FHIT: variants seen among roughly 807,000 people sequenced by gnomAD.
FHIT encodes fragile histidine triad diadenosine triphosphatase.
Under a neutral mutation model 17.9 loss-of-function variants are expected in FHIT, and 19 were observed. The ratio of observed to expected loss-of-function variants is 1.06; its 90% confidence interval spans 0.74 to 1.56. The LOEUF is 1.56. FHIT is among the 40% of genes most tolerant of loss of function. The pLI is 0.00. For synonymous variants in FHIT, 81 were observed against 69.7 expected, an observed-to-expected ratio of 1.16 and a Z score of -0.81; for missense variants, 248 against 189.2, an observed-to-expected ratio of 1.31 and a Z score of -1.82.
chr3:61,219,327 A>ATGTGTGTGTGTGTGTG (rs72023729), intron 1 of FHIT, among the ~76,000 whole-genome samples: 4 of 146,998 alleles, frequency 2.7e-5, no homozygotes, highest in South Asian at 4.4e-4. Flanking sequence ...AAATCTAAAA[A>ATGTGTGTGTGTGTGTG]TGTGTGTGTG....
At chr3:60,679,503 C>T (rs555443271) in intron 4 of FHIT, among the ~76,000 whole-genome samples, 20 of 152,094 alleles carry the variant, frequency 1.3e-4, no homozygotes, top group Admixed American at 8.5e-4. Flanking sequence ...AAACCAAATT[C>T]GGATTACATA....
chr3:60,107,963 A>G (rs1704498936), intron 5 of FHIT, among the ~76,000 whole-genome samples: 1 of 152,220 alleles, frequency 6.6e-6, no homozygotes, highest in African/African-American at 2.4e-5. Flanking sequence ...AAACAAAGAA[A>G]CAAATACTAC....
intron 3 of FHIT, among the ~76,000 whole-genome samples, chr3:60,928,227 T>A (rs565117508): frequency 5.3e-5 from 8 of 151,916 alleles, no homozygotes; most frequent in South Asian, 2.1e-4. Context: ...CACATGTTTA[T>A]CTGCTGACCT....
intron 5 of FHIT, among the ~76,000 whole-genome samples, chr3:60,271,876 C>A (rs1235087385): frequency 1.3e-5 from 2 of 152,190 alleles, no homozygotes; most frequent in African/African-American, 2.4e-5. Flanking sequence ...AATTGCTGAC[C>A]ATAATTGTTA....
intron 4 of FHIT, among the ~76,000 whole-genome samples, chr3:60,574,171 T>A (rs1269312155): frequency 6.6e-6 from 1 of 152,124 alleles, no homozygotes; most frequent in African/African-American, 2.4e-5. Context: ...TCCCAGCAGC[T>A]ATGGGAGCTA....
intron 4 of FHIT, among the ~76,000 whole-genome samples, chr3:60,634,600 G>A (rs1373423855): frequency 1.3e-5 from 2 of 152,066 alleles, no homozygotes; most frequent in East Asian, 1.9e-4. Flanking sequence ...CTGGGGTAAC[G>A]GCACCAGCAT....
At chr3:61,057,287 T>C (rs1012636062) in intron 2 of FHIT, among the ~76,000 whole-genome samples, 11 of 152,254 alleles carry the variant, frequency 7.2e-5, no homozygotes, top group Non-Finnish European at 1.3e-4. Flanking sequence ...TACCTACTTT[T>C]GTATTTTCAT....
chr3:60,811,974 C>G (rs1701583657), intron 4 of FHIT, among the ~76,000 whole-genome samples: 1 of 152,070 alleles, frequency 6.6e-6, no homozygotes, highest in Non-Finnish European at 1.5e-5. Context: ...AAGTAAAACA[C>G]AAATGCATAG....
At chr3:60,258,402 T>C (rs2107605114) in intron 5 of FHIT, among the ~76,000 whole-genome samples, 1 of 152,256 alleles carries the variant, frequency 6.6e-6, no homozygotes, top group South Asian at 2.1e-4. Flanking sequence ...TTCTTCAAAA[T>C]GTTCTACCAT....
rs1469579411 is a variant in FHIT at position 59,823,050 on chromosome 3, A to AT, written c.349-70730dup. On this transcript the variant is annotated intron_variant, in intron 8 of 9. Coordinates refer to ENST00000492590, the MANE Select transcript of FHIT (RefSeq NM_002012.4). ...CAATTATCCCAGCACCATTTGTTGAATAGGATGTCTTTTCCCCATTTCTGT... is the reference window on the plus strand; with the variant it reads ...CAATTATCCCAGCACCATTTGTTGAATTAGGATGTCTTTTCCCCATTTCTGT... Among the ~76,000 whole-genome samples, 7 of 152,242 alleles carry AT rather than the reference A, an allele frequency of 4.6e-5. No individual in the cohort carries two copies. The East Asian group carries it at 1.4e-3, about 29-fold the overall frequency.
chr3:60,438,210 A>G (rs2030448162), intron 5 of FHIT, among the ~76,000 whole-genome samples: 1 of 151,978 alleles, frequency 6.6e-6, no homozygotes. Flanking sequence ...TGCACATGTG[A>G]TTTCACCTGT....
intron 4 of FHIT, among the ~76,000 whole-genome samples, chr3:60,678,083 T>C (rs1553695887): frequency 6.6e-6 from 1 of 152,174 alleles, no homozygotes; most frequent in African/African-American, 2.4e-5. Context: ...ATCAATTTTG[T>C]TCATCTTTTC....
chr3:60,950,552 T>G (rs1361520384), intron 3 of FHIT, among the ~76,000 whole-genome samples: 1 of 151,654 alleles, frequency 6.6e-6, no homozygotes, highest in Non-Finnish European at 1.5e-5. Flanking sequence ...AGTCTGACTC[T>G]GTCGCCCAGG....
intron 5 of FHIT, among the ~76,000 whole-genome samples, chr3:60,319,490 T>C (rs1348967965): frequency 6.7e-6 from 1 of 149,464 alleles, no homozygotes; most frequent in Non-Finnish European, 1.5e-5. Flanking sequence ...GATGGAACGG[T>C]ATATAGATTG....
At chr3:60,896,528 A>G (rs1182542482) in intron 3 of FHIT, among the ~76,000 whole-genome samples, 1 of 152,146 alleles carries the variant, frequency 6.6e-6, no homozygotes, top group Non-Finnish European at 1.5e-5. Context: ...TAATCCTACA[A>G]TGGATACAAA....
chr3:60,577,729 C>G (rs574205683), intron 4 of FHIT, among the ~76,000 whole-genome samples: 1 of 152,048 alleles, frequency 6.6e-6, no homozygotes, highest in African/African-American at 2.4e-5. Context: ...TATATACAAC[C>G]GTTCGGCTGC....
intron 5 of FHIT, among the ~76,000 whole-genome samples, chr3:60,087,103 G>A (rs925531554): frequency 6.6e-6 from 1 of 152,218 alleles, no homozygotes; most frequent in African/African-American, 2.4e-5. Flanking sequence ...AAGGCTCATG[G>A]CTTGCACCCT....
chr3:61,024,960 C>A (rs17685796), intron 3 of FHIT, among the ~76,000 whole-genome samples: 39,970 of 151,676 alleles, frequency 0.26, 6,171 homozygotes, highest in African/African-American at 0.44. Context: ...TGTAAAGATA[C>A]GTTTTAGACA....
chr3:60,007,056 G>A (rs764586175), intron 7 of FHIT, among the ~76,000 whole-genome samples: 36 of 152,140 alleles, frequency 2.4e-4, no homozygotes, highest in Non-Finnish European at 3.7e-4. Flanking sequence ...GAAGATTCAA[G>A]TACCATAAAC....
Sources: gnomAD v4.1 joint callset for allele counts (sites outside exome capture counted in the v4.1 genomes callset) on GRCh38, gnomAD v4.1.1 for gene constraint, MANE v1.5 for transcripts, NCBI Gene and HGNC (gene_info 2026-07-23, HGNC 2026-07-21) for gene names.